Variants in ITGA4 observed in about 807,000 individuals in gnomAD.
ITGA4 encodes the protein integrin subunit alpha 4.
Under a neutral mutation model 133.6 loss-of-function variants are expected in ITGA4, and 63 were observed. The observed-to-expected ratio is 0.47, with a 90% confidence interval of 0.38 to 0.58. The LOEUF is 0.58. ITGA4 is among the 20% of genes least tolerant of loss of function. The pLI is 0.00. For missense variants in ITGA4, 1,076 were observed against 1,252.7 expected, an observed-to-expected ratio of 0.86 and a Z score of 2.13; for synonymous variants, 483 against 438.0, an observed-to-expected ratio of 1.10 and a Z score of -1.28.
In ITGA4 at chr2:181,493,361, A is replaced by G. The variant is rs1194095133; in HGVS notation, c.1190A>G (p.Gln397Arg). 9.9e-6 allele frequency: 16 copies of G among 1,612,646 alleles called. No individual in the cohort carries two copies. The African/African-American group carries it at 1.9e-4, about 19-fold the overall frequency. ...AIGAPQEDDLQGAIYIYNGRA... is the reference protein window; with the variant it reads ...AIGAPQEDDLRGAIYIYNGRA... ...GGAGCTCCACAAGAAGATGACTTGC[A>G]AGGTGCTATTTATATTTACAATGGC... The change falls in exon 11 of 28, where the codon CAA (glutamine) becomes CGA (arginine). Residue 397 changes from glutamine (Q) to arginine (R), a missense_variant. By Grantham distance (43) the Gln-to-Arg change is conservative. Coordinates refer to ENST00000397033, the MANE Select transcript of ITGA4 (RefSeq NM_000885.6).
chr2:181,487,164 A>G (rs1039183914), intron 10 of ITGA4, among the ~76,000 whole-genome samples: 1 of 152,148 alleles, frequency 6.6e-6, no homozygotes, highest in Non-Finnish European at 1.5e-5. Flanking sequence ...ATTACACATA[A>G]TTTTTTTAAA....
At chr2:181,487,405 A>G (rs987908995) in intron 10 of ITGA4, among the ~76,000 whole-genome samples, 1 of 152,102 alleles carries the variant, frequency 6.6e-6, no homozygotes, top group Non-Finnish European at 1.5e-5. Flanking sequence ...CCTGGTTTGC[A>G]TTCCTGTATT....
chr2:181,503,034 T>C (rs1163428813), intron 15 of ITGA4, among the ~76,000 whole-genome samples: 1 of 151,620 alleles, frequency 6.6e-6, no homozygotes, highest in African/African-American at 2.4e-5. Context: ...GAATTGGAGA[T>C]CCCAGGACAA....
At chr2:181,535,393 C>CA (rs779957462) in intron 27 of ITGA4, 39 bp from the exon 28 acceptor site, 1 of 1,474,534 alleles carries the variant, frequency 6.8e-7, no homozygotes, top group South Asian at 1.2e-5. Context: ...AGAGAGTGTT[C>CA]ATAACTATAC....
At chr2:181,506,166 C>T (rs1402562477) in intron 15 of ITGA4, among the ~76,000 whole-genome samples, 1 of 152,062 alleles carries the variant, frequency 6.6e-6, no homozygotes, top group Non-Finnish European at 1.5e-5. Context: ...TGTTCTATAA[C>T]TAATTTTCTA....
intron 10 of ITGA4, among the ~76,000 whole-genome samples, chr2:181,491,605 C>A (rs1366059030): frequency 6.6e-6 from 1 of 151,916 alleles, no homozygotes; most frequent in Non-Finnish European, 1.5e-5. Flanking sequence ...TTATTTTTTT[C>A]ATGTGTTATG....
At chr2:181,483,285 A>G (rs541623389) in intron 9 of ITGA4, among the ~76,000 whole-genome samples, 9 of 152,372 alleles carry the variant, frequency 5.9e-5, no homozygotes, top group African/African-American at 2.2e-4. Flanking sequence ...CCACTTGATA[A>G]TTCAAAGACT....
At position 181,537,916 on chromosome 2, in the gene ITGA4, T is replaced by TCAGCAGCAGCATTAGATTCTC. The variant is rs1427444084; in HGVS notation, c.*2390_*2410dup. On this transcript the variant is annotated 3_prime_UTR_variant, in exon 28 of 28. Transcript: ENST00000397033. ...TTACTGAGTTCCTCCCCCTGTCAGA[T>TCAGCAGCAGCATTAGATTCTC]CAGCAGCAGCATTAGATTCTCATAG... The TCAGCAGCAGCATTAGATTCTC allele has an allele frequency of 1.7e-6, 1 of 580,218 alleles. No individual in the cohort carries two copies. Among genetic ancestry groups the TCAGCAGCAGCATTAGATTCTC allele is most frequent in the African/African-American group, 1.8e-5 (1 of 54,492 alleles). 35.9% of individuals were successfully genotyped at this position (580,218 alleles called of 1,614,324 possible). A position where few individuals can be genotyped will look rare whatever the true frequency, so the allele number is the denominator to read the frequency against.
intron 10 of ITGA4, among the ~76,000 whole-genome samples, chr2:181,489,904 T>C (rs939037180): frequency 6.6e-6 from 1 of 152,064 alleles, no homozygotes; most frequent in African/African-American, 2.4e-5. Context: ...AGGGGTTTAT[T>C]TGGTGGGGGG....
intron 4 of ITGA4, 41 bp downstream of exon 4, chr2:181,475,329 A>G: frequency 6.7e-7 from 1 of 1,482,910 alleles, no homozygotes; most frequent in Non-Finnish European, 9.4e-7. Flanking sequence ...AAGATAAGTA[A>G]GTGAATACCT....
chr2:181,473,394 T>G (rs1685601058), intron 2 of ITGA4, among the ~76,000 whole-genome samples: 2 of 152,204 alleles, frequency 1.3e-5, no homozygotes, highest in Admixed American at 6.5e-5. Flanking sequence ...TTCCAAACCT[T>G]ACTACTGCCC....
chr2:181,506,740 C>T (rs1426664962), intron 15 of ITGA4, among the ~76,000 whole-genome samples: 1 of 151,864 alleles, frequency 6.6e-6, no homozygotes, highest in Non-Finnish European at 1.5e-5. Flanking sequence ...GGATTTATTC[C>T]CTATTTCTTA....
chr2:181,458,060 A>C (rs1271736032), intron 1 of ITGA4, 136 bp from the exon 2 acceptor site: 2 of 1,285,704 alleles, frequency 1.6e-6, no homozygotes, highest in Non-Finnish European at 1.1e-6. Flanking sequence ...AAGGTCTTGG[A>C]GCTTCGAGTC....
At chr2:181,465,347 T>C (rs1344292914) in intron 2 of ITGA4, among the ~76,000 whole-genome samples, 3 of 152,170 alleles carry the variant, frequency 2.0e-5, no homozygotes, top group African/African-American at 7.2e-5. Flanking sequence ...CATTCCTCAC[T>C]GGTTTTTCTC....
intron 9 of ITGA4, among the ~76,000 whole-genome samples, chr2:181,484,258 T>G (rs1157435188): frequency 6.6e-6 from 1 of 152,170 alleles, no homozygotes; most frequent in Non-Finnish European, 1.5e-5. Context: ...TTGAATGAAC[T>G]CAAGAAAGAA....
intron 10 of ITGA4, chr2:181,486,270 A>G (rs535880175): frequency 1.2e-4 from 37 of 304,056 alleles, no homozygotes; most frequent in Non-Finnish European, 2.0e-4. Context: ...ATGTGTCCCT[A>G]AAAGCTACCT....
In ITGA4 at chr2:181,537,610, A is replaced by C; in HGVS notation, c.*2083A>C. ...TTATATTTGTAACAGAATATAGGAA[A>C]TTTAACATAATTGATGAGCTCAAAT... On this transcript the variant is annotated 3_prime_UTR_variant, in exon 28 of 28. Coordinates refer to ENST00000397033, the MANE Select transcript of ITGA4 (RefSeq NM_000885.6). The C allele has an allele frequency of 2.3e-6, 1 of 430,126 alleles. No homozygotes were observed. Among genetic ancestry groups the C allele is most frequent in the Non-Finnish European group, 4.6e-6 (1 of 218,940 alleles). The allele number at this position is 430,126 out of a possible 1,614,324, so 26.6% of individuals were successfully genotyped here. A position where few individuals can be genotyped will look rare whatever the true frequency, so the allele number is the denominator to read the frequency against.
intron 21 of ITGA4, among the ~76,000 whole-genome samples, chr2:181,526,043 CATCTT>C (rs781148108): frequency 5.3e-5 from 8 of 152,152 alleles, no homozygotes; most frequent in Non-Finnish European, 1.2e-4. Flanking sequence ...ATCCCGCAGT[CATCTT>C]ATCCACTTAG....
chr2:181,472,819 T>C (rs1559039160), intron 2 of ITGA4, among the ~76,000 whole-genome samples: 1 of 152,174 alleles, frequency 6.6e-6, no homozygotes. Flanking sequence ...TTTCCCCTTC[T>C]CTTTTCGTGT....
Sources: gnomAD v4.1 joint callset for allele counts (sites outside exome capture counted in the v4.1 genomes callset) on GRCh38, gnomAD v4.1.1 for gene constraint, MANE v1.5 for transcripts, NCBI Gene and HGNC (gene_info 2026-07-23, HGNC 2026-07-21) for gene names.